Variants in CUX2 observed in about 807,000 individuals in gnomAD.
CUX2 encodes homeobox protein cut-like 2.
CUX2 carries 40 observed loss-of-function variants against 144.8 expected under a neutral mutation model. The observed-to-expected ratio is 0.28, with a 90% CI of 0.21 to 0.36. The LOEUF is 0.36. Among genes scored for constraint, CUX2 ranks in the 10% least tolerant of loss-of-function variants. The probability of loss-of-function intolerance (pLI) is 1.00; values close to 1 mark genes in which losing one functional copy is unlikely to be tolerated. For missense variants in CUX2, 1,615 were observed against 1,994.0 expected, an observed-to-expected ratio of 0.81 and a Z score of 3.62; for synonymous variants, 827 against 875.6, an observed-to-expected ratio of 0.94 and a Z score of 0.98.
rs551453275 is a variant in CUX2 at position 111,208,737 on chromosome 12, G to A, written c.64-5463G>A. Among the ~76,000 whole-genome samples the A allele has an allele frequency of 2.2e-4, 34 of 152,228 alleles. 1 individual carries two copies. The East Asian group carries it at 5.8e-3, about 26-fold the overall frequency. On this transcript the variant is annotated intron_variant, in intron 1 of 21. Coordinates refer to ENST00000261726, the MANE Select transcript of CUX2 (RefSeq NM_015267.4). Reference sequence around the variant, plus strand: ...GCCAGTGTTAGAAGGGATTGACTTGGGTTCTGAGGAACAGTTCTGCCTTAT... The same window carrying A: ...GCCAGTGTTAGAAGGGATTGACTTGAGTTCTGAGGAACAGTTCTGCCTTAT...
At chr12:111,091,050 G>T (rs1476272506) in intron 1 of CUX2, among the ~76,000 whole-genome samples, 1 of 152,168 alleles carries the variant, frequency 6.6e-6, no homozygotes, top group East Asian at 1.9e-4. Context: ...GCCCGGCTGC[G>T]CCGTGTCCTC....
intron 1 of CUX2, among the ~76,000 whole-genome samples, chr12:111,200,616 C>A (rs1026271026): frequency 6.6e-6 from 1 of 152,056 alleles, no homozygotes; most frequent in Non-Finnish European, 1.5e-5. Context: ...AGCCCCCATT[C>A]AATCCAGGCC....
chr12:111,150,879 G>C (rs1010804552), intron 1 of CUX2, among the ~76,000 whole-genome samples: 1 of 152,002 alleles, frequency 6.6e-6, no homozygotes, highest in Non-Finnish European at 1.5e-5. Context: ...TTATTATTTC[G>C]CAGCAATGGT....
At chr12:111,134,371 A>C (rs1399982739) in intron 1 of CUX2, among the ~76,000 whole-genome samples, 1 of 152,214 alleles carries the variant, frequency 6.6e-6, no homozygotes, top group Non-Finnish European at 1.5e-5. Flanking sequence ...GATAGTTTGC[A>C]TATCTCTATT....
At chr12:111,299,616 T>C (rs933612242) in intron 9 of CUX2, among the ~76,000 whole-genome samples, 1 of 152,208 alleles carries the variant, frequency 6.6e-6, no homozygotes, top group Non-Finnish European at 1.5e-5. Context: ...CCGCAGTGGC[T>C]TCCCTGAGCT....
chr12:111,098,694 G>A (rs1178672246), intron 1 of CUX2, among the ~76,000 whole-genome samples: 1 of 152,216 alleles, frequency 6.6e-6, no homozygotes, highest in East Asian at 1.9e-4. Context: ...GCTCAGACAA[G>A]AGCAGGAAGC....
intron 1 of CUX2, among the ~76,000 whole-genome samples, chr12:111,096,633 G>T (rs758454878): frequency 2.0e-5 from 3 of 152,146 alleles, no homozygotes; most frequent in Admixed American, 6.6e-5. Flanking sequence ...TTTCCCTCCA[G>T]AAAGCAAGGC....
In CUX2 at chr12:111,077,485, T is replaced by C. The variant is rs542406346; in HGVS notation, c.63+43245T>C. ...GCCCCGGTCTTGGACCACTGAATAATTTACGGTCCCTCGGAGCGGCGAGGA... is the reference window on the plus strand; with the variant it reads ...GCCCCGGTCTTGGACCACTGAATAACTTACGGTCCCTCGGAGCGGCGAGGA... On this transcript the variant is annotated intron_variant, in intron 1 of 21. Transcript: ENST00000261726. The surrounding 1 kb of genome is among the most constrained non-coding windows in gnomAD (Gnocchi z 4.1). 6.6e-4 allele frequency among the ~76,000 whole-genome samples: 101 copies of C among 152,274 alleles called. No individual in the cohort carries two copies. Among genetic ancestry groups the C allele is most frequent in the Admixed American group, 6.6e-3 (101 of 15,308 alleles).
At chr12:111,192,595 C>T (rs1879965422) in intron 1 of CUX2, among the ~76,000 whole-genome samples, 1 of 152,138 alleles carries the variant, frequency 6.6e-6, no homozygotes, top group African/African-American at 2.4e-5. Flanking sequence ...ACCAGGAACC[C>T]TAGGAAAGGA....
chr12:111,197,916 C>G (rs993470354), intron 1 of CUX2, among the ~76,000 whole-genome samples: 4 of 152,350 alleles, frequency 2.6e-5, no homozygotes, highest in African/African-American at 9.6e-5. Context: ...TGCCCCCACT[C>G]AAGCCTGTTT....
chr12:111,148,821 A>T (rs1304452106), intron 1 of CUX2, among the ~76,000 whole-genome samples: 1 of 152,074 alleles, frequency 6.6e-6, no homozygotes, highest in African/African-American at 2.4e-5. Context: ...ATACAGTGAG[A>T]CCCCTTCTCT....
At chr12:111,118,358 TA>T (rs1194743063) in intron 1 of CUX2, among the ~76,000 whole-genome samples, 2 of 152,206 alleles carry the variant, frequency 1.3e-5, no homozygotes, top group African/African-American at 4.8e-5. Context: ...TACAACATGT[TA>T]AAGCATGATA....
chr12:111,223,374 C>T (rs112560247), intron 3 of CUX2, among the ~76,000 whole-genome samples: 351 of 152,270 alleles, frequency 2.3e-3, no homozygotes, highest in African/African-American at 8.0e-3. Context: ...CACCCTGCCC[C>T]GATGACAGCC....
chr12:111,074,214 C>T (rs1871394978), intron 1 of CUX2, among the ~76,000 whole-genome samples: 1 of 151,942 alleles, frequency 6.6e-6, no homozygotes, highest in South Asian at 2.1e-4. Flanking sequence ...TGCATACAAA[C>T]CATGTTTCCC....
At chr12:111,052,372 C>T (rs763546460) in intron 1 of CUX2, among the ~76,000 whole-genome samples, 15 of 151,924 alleles carry the variant, frequency 9.9e-5, no homozygotes, top group Non-Finnish European at 2.2e-4. Flanking sequence ...TATAGAGCAG[C>T]TTGTCCCCAG....
Position 111,286,311 on chromosome 12 carries a change from G to T in CUX2, c.302-5107G>T, listed in dbSNP as rs150103161. 2.5e-3 allele frequency among the ~76,000 whole-genome samples: 388 copies of T among 152,260 alleles called. 1 individual carries two copies. Among genetic ancestry groups the T allele is most frequent in the Admixed American group, 5.4e-3 (82 of 15,292 alleles). On this transcript the variant is annotated intron_variant, in intron 4 of 21. Coordinates refer to ENST00000261726, the MANE Select transcript of CUX2 (RefSeq NM_015267.4). Reference sequence around the variant, plus strand: ...CCCAGTCCTTAACCACCCTACACATGCACCCCCATTTTACAGATGAGGAAA... The same window carrying T: ...CCCAGTCCTTAACCACCCTACACATTCACCCCCATTTTACAGATGAGGAAA...
intron 16 of CUX2, among the ~76,000 whole-genome samples, chr12:111,314,469 C>T (rs893245155): frequency 2.0e-5 from 3 of 151,902 alleles, no homozygotes; most frequent in South Asian, 2.1e-4. Context: ...GGTGAAACCC[C>T]GTCTCTGCTA....
intron 3 of CUX2, among the ~76,000 whole-genome samples, chr12:111,259,655 G>A (rs954174087): frequency 6.6e-6 from 1 of 152,048 alleles, no homozygotes; most frequent in African/African-American, 2.4e-5. Context: ...CTTGAGATCA[G>A]GAGTTCAAGA....
chr12:111,118,207 G>C (rs150713900), intron 1 of CUX2, among the ~76,000 whole-genome samples: 1 of 152,238 alleles, frequency 6.6e-6, no homozygotes, highest in East Asian at 1.9e-4. Context: ...ATATTCAAAG[G>C]TAAGTTACAT....
Sources: allele counts gnomAD v4.1 joint callset (sites outside exome capture counted in the v4.1 genomes callset), GRCh38; gene constraint gnomAD v4.1.1; non-coding constraint Gnocchi (gnomAD v3.1); transcripts MANE v1.5; gene names NCBI Gene and HGNC (gene_info 2026-07-23, HGNC 2026-07-21).